The following LRP1B variants were observed in gnomAD, a reference collection of about 807,000 sequenced individuals.
LRP1B encodes low-density lipoprotein receptor-related protein 1B.
A neutral mutation model predicts 556.6 loss-of-function variants in LRP1B; 217 were observed. The observed-to-expected ratio is 0.39, with a 90% confidence interval of 0.35 to 0.44. The LOEUF (loss-of-function observed/expected upper bound fraction) is 0.44. LRP1B is among the 20% of genes least tolerant of loss of function. The pLI is 1.00. For synonymous variants in LRP1B, 2,047 were observed against 1,865.8 expected (o/e 1.10, Z -2.50); for missense variants, 5,053 against 5,620.8 (o/e 0.90, Z 3.23).
chr2:141,280,866 T>G (rs576858115), intron 3 of LRP1B, among the ~76,000 whole-genome samples: 2 of 152,050 alleles, frequency 1.3e-5, no homozygotes, highest in South Asian at 4.1e-4. Context: ...GATTAGAGAG[T>G]TTGCCAAATA....
intron 87 of LRP1B, among the ~76,000 whole-genome samples, chr2:140,246,380 G>A (rs941514108): frequency 6.6e-6 from 1 of 151,304 alleles, no homozygotes; most frequent in African/African-American, 2.4e-5. Flanking sequence ...CAACATGTGT[G>A]AACTGGCAAA....
chr2:140,546,000 T>TTGTGTGTGTGTGTGTGTG lies in LRP1B; in HGVS notation c.7195-4047_7195-4030dup, dbSNP rs148045904. 5.1e-3 allele frequency among the ~76,000 whole-genome samples: 725 copies of TTGTGTGTGTGTGTGTGTG among 142,666 alleles called. 16 individuals carry two copies. In the East Asian group the frequency reaches 0.06, roughly 12 times the overall value. The allele number at this position is 142,666 out of a possible 152,430, so 93.6% of individuals were successfully genotyped here. ...CTCACTGGTTAGCTGTATTATTAGG[T>TTGTGTGTGTGTGTGTGTG]TGTGTGTGTGTGTGTGTGTGTGTGT... On this transcript the variant is annotated intron_variant, in intron 43 of 90. Coordinates refer to ENST00000389484, the MANE Select transcript of LRP1B (RefSeq NM_018557.3).
intron 2 of LRP1B, among the ~76,000 whole-genome samples, chr2:141,553,725 T>C (rs1308632218): frequency 5.6e-5 from 1 of 17,950 alleles, no homozygotes; most frequent in African/African-American, 5.9e-5. Flanking sequence ...TTTATATATC[T>C]ATATAATATA....
At chr2:141,787,400 T>C (rs371675681) in intron 2 of LRP1B, among the ~76,000 whole-genome samples, 1 of 151,942 alleles carries the variant, frequency 6.6e-6, no homozygotes, top group African/African-American at 2.4e-5. Flanking sequence ...TAGAATACAA[T>C]TCATCAATAC....
At position 141,255,924 on chromosome 2, in the gene LRP1B, C is replaced by T. The variant is rs1032307293; in HGVS notation, c.344-1283G>A. Among the ~76,000 whole-genome samples the T allele has an allele frequency of 5.1e-4, 78 of 151,770 alleles. 1 individual carries two copies. Among genetic ancestry groups the T allele is most frequent in the Non-Finnish European group, 1.2e-4 (8 of 67,920 alleles). On this transcript the variant is annotated intron_variant, in intron 3 of 90. Transcript: ENST00000389484. ...GAATCAGTTCAAAATTGGCTTGAGT[C>T]TATAAGCTATTGTAATGTGATATTT...
At chr2:141,610,623 TG>T (rs1038883221) in intron 2 of LRP1B, among the ~76,000 whole-genome samples, 2 of 152,156 alleles carry the variant, frequency 1.3e-5, no homozygotes, top group African/African-American at 4.8e-5. Context: ...CGTAACCTCG[TG>T]GTAACTCTTA....
intron 2 of LRP1B, among the ~76,000 whole-genome samples, chr2:141,651,736 C>A (rs1161278806): frequency 6.6e-6 from 1 of 152,154 alleles, no homozygotes; most frequent in Non-Finnish European, 1.5e-5. Flanking sequence ...AAATTCAAAT[C>A]TAACTGGGTA....
intron 3 of LRP1B, among the ~76,000 whole-genome samples, chr2:141,264,429 G>A (rs1201295719): frequency 2.0e-5 from 3 of 152,060 alleles, no homozygotes; most frequent in Non-Finnish European, 4.4e-5. Context: ...AATATTCCAT[G>A]GACTGAGTTG....
At chr2:140,988,275 TC>T (rs1696986743) in intron 17 of LRP1B, among the ~76,000 whole-genome samples, 2 of 151,984 alleles carry the variant, frequency 1.3e-5, no homozygotes, top group African/African-American at 4.8e-5. Flanking sequence ...TCTCTGGAGG[TC>T]CTTTTCTCTT....
In LRP1B at chr2:140,315,037, A is replaced by T. The variant is rs1202112610; in HGVS notation, c.12703T>A (p.Leu4235Met). 1 of 1,611,640 alleles carries T rather than the reference A, an allele frequency of 6.2e-7. No individual in the cohort carries two copies. Among genetic ancestry groups the T allele is most frequent in the Non-Finnish European group, 8.5e-7 (1 of 1,178,698 alleles). Residue 4235 changes from leucine (L) to methionine (M), a missense_variant, in exon 83 of 91, where the codon TTG (leucine) becomes ATG (methionine). By Grantham distance (15) the Leu-to-Met change is conservative. Coordinates refer to ENST00000389484, the MANE Select transcript of LRP1B (RefSeq NM_018557.3). Reference protein sequence around the residue: ...GRCILNEKGDLRCHCWPSYSG... With the variant: ...GRCILNEKGDMRCHCWPSYSG... ...TAACTGGGCCAACAGTGACACCTCA[A>T]ATCACCTTTCTCATTTAAAATGCAT...
chr2:140,695,686 TG>T lies in LRP1B; in HGVS notation c.6799+4563del, dbSNP rs1260490161. On this transcript the variant is annotated intron_variant, in intron 41 of 90. Transcript: ENST00000389484. ...TTTAAAGTCAGAAATGGCCTAAAAG[TG>T]TAGACTTTTAACAGTGTCTTCACCA... Among the ~76,000 whole-genome samples, 6 of 152,324 alleles carry T rather than the reference TG, an allele frequency of 3.9e-5. No individual in the cohort carries two copies. The East Asian group carries it at 5.8e-4, about 15-fold the overall frequency.
intron 1 of LRP1B, among the ~76,000 whole-genome samples, chr2:141,852,714 T>C (rs991229158): frequency 1.6e-4 from 24 of 151,824 alleles, no homozygotes; most frequent in Non-Finnish European, 2.7e-4. Context: ...TTTGTTTTGT[T>C]GATCCAGCTA....
chr2:141,990,918 G>A (rs1301173993), intron 1 of LRP1B, among the ~76,000 whole-genome samples: 2 of 152,036 alleles, frequency 1.3e-5, no homozygotes, highest in Non-Finnish European at 2.9e-5. Flanking sequence ...AGCTAAGCCA[G>A]TCAATTAAGA....
In LRP1B at chr2:141,856,556, C is replaced by T. The variant is rs115521438; in HGVS notation, c.83-46155G>A. On this transcript the variant is annotated intron_variant, in intron 1 of 90. Coordinates refer to ENST00000389484, the MANE Select transcript of LRP1B (RefSeq NM_018557.3). The stretch of plus-strand genomic sequence containing the variant: ...CTAAACACAAATTCTTTAGCCATTT[C>T]CTGAGAAAACCCAGTTATCCAGACT... 7.9e-3 allele frequency among the ~76,000 whole-genome samples: 1,197 copies of T among 152,268 alleles called. 22 individuals carry two copies. Among genetic ancestry groups the T allele is most frequent in the African/African-American group, 0.027 (1,138 of 41,558 alleles).
At chr2:141,433,676 C>T (rs1356930320) in intron 3 of LRP1B, among the ~76,000 whole-genome samples, 1 of 151,328 alleles carries the variant, frequency 6.6e-6, no homozygotes, top group Non-Finnish European at 1.5e-5. Context: ...GAGTTGTTTC[C>T]ACCTTACTGC....
At chr2:140,941,962 G>A (rs1027223255) in intron 20 of LRP1B, among the ~76,000 whole-genome samples, 1 of 152,026 alleles carries the variant, frequency 6.6e-6, no homozygotes, top group Non-Finnish European at 1.5e-5. Flanking sequence ...TGTCTAAAAT[G>A]ACAGACATAG....
intron 3 of LRP1B, among the ~76,000 whole-genome samples, chr2:141,467,200 A>T (rs1027203026): frequency 1.3e-5 from 2 of 150,486 alleles, no homozygotes; most frequent in Admixed American, 1.3e-4. Flanking sequence ...CGCGGGGGGA[A>T]TTATAGCAGT....
At chr2:142,072,074 C>A (rs1472138702) in intron 1 of LRP1B, among the ~76,000 whole-genome samples, 1 of 151,764 alleles carries the variant, frequency 6.6e-6, no homozygotes. Context: ...AACTCCACAC[C>A]CTAAGTATGC....
At chr2:140,979,254 C>T (rs1442946714) in intron 18 of LRP1B, among the ~76,000 whole-genome samples, 1 of 152,200 alleles carries the variant, frequency 6.6e-6, no homozygotes, top group Non-Finnish European at 1.5e-5. Context: ...GCTGGAATTA[C>T]AGGCATGAAC....
Sources: gnomAD v4.1 joint callset for allele counts (sites outside exome capture counted in the v4.1 genomes callset) on GRCh38, gnomAD v4.1.1 for gene constraint, MANE v1.5 for transcripts, NCBI Gene and HGNC (gene_info 2026-07-23, HGNC 2026-07-21) for gene names.